Variants in KCNH1 observed in about 807,000 individuals in gnomAD.
The protein encoded by KCNH1 is potassium voltage-gated channel subfamily H member 1, also known as voltage-gated delayed rectifier potassium channel KCNH1.
Under a neutral mutation model 69.2 loss-of-function variants are expected in KCNH1, and 27 were observed. The ratio of observed to expected loss-of-function variants is 0.39; its 90% CI spans 0.29 to 0.54. The LOEUF (loss-of-function observed/expected upper bound fraction) is 0.54, where lower values mean the gene tolerates loss of function less well. KCNH1 is among the 20% of genes least tolerant of loss of function. The pLI, the probability that KCNH1 is intolerant of heterozygous loss-of-function variation, is 0.68. For synonymous variants in KCNH1, 456 were observed against 487.7 expected (o/e 0.93, Z 0.86); for missense variants, 798 against 1,261.6 (o/e 0.63, Z 5.57).
chr1:210,940,254 C>A (rs945252318), intron 6 of KCNH1, among the ~76,000 whole-genome samples: 1 of 152,194 alleles, frequency 6.6e-6, no homozygotes, highest in Admixed American at 6.5e-5. Flanking sequence ...ACCAGTGATA[C>A]AAAAGCCAGG....
intron 7 of KCNH1, among the ~76,000 whole-genome samples, chr1:210,849,557 G>C (rs1574294753): frequency 6.6e-6 from 1 of 151,790 alleles, no homozygotes; most frequent in Non-Finnish European, 1.5e-5. Flanking sequence ...CCAGAGACGG[G>C]GTTTCTCCAT....
At position 210,718,649 on chromosome 1, in the gene KCNH1, TATACAC is replaced by T. The variant is rs1349983552; in HGVS notation, c.2113-34517_2113-34512del. ...GTATAAATATATATATACATATATA[TATACAC>T]ACACACACACACACACACACACACA... On this transcript the variant is annotated intron_variant, in intron 10 of 10. Transcript: ENST00000271751. Among the ~76,000 whole-genome samples the T allele has an allele frequency of 1.1e-3, 81 of 72,326 alleles. 9 individuals are homozygous for T. The highest frequency in any genetic ancestry group is 4.6e-3 in the African/African-American group (51 of 11,034). The allele number at this position is 72,326 out of a possible 152,430, so 47.4% of individuals were successfully genotyped here. A position where few individuals can be genotyped will look rare whatever the true frequency, so the allele number is the denominator to read the frequency against.
chr1:210,889,554 G>C (rs1244007516), intron 7 of KCNH1, among the ~76,000 whole-genome samples: 1 of 152,182 alleles, frequency 6.6e-6, no homozygotes, highest in Non-Finnish European at 1.5e-5. Flanking sequence ...GTTTTTGCCA[G>C]GGCAATCAGG....
chr1:211,100,916 G>T (rs192007126), intron 3 of KCNH1, among the ~76,000 whole-genome samples: 1 of 152,332 alleles, frequency 6.6e-6, no homozygotes, highest in Admixed American at 6.5e-5. Context: ...TCACTGGTGA[G>T]TTCTTATGCA....
intron 6 of KCNH1, among the ~76,000 whole-genome samples, chr1:210,952,325 G>A (rs1397429590): frequency 6.6e-6 from 1 of 152,030 alleles, no homozygotes; most frequent in Non-Finnish European, 1.5e-5. Flanking sequence ...TCTCCCTGGT[G>A]CATAACTCCT....
At chr1:210,993,323 T>G (rs1327487474) in intron 6 of KCNH1, among the ~76,000 whole-genome samples, 1 of 152,222 alleles carries the variant, frequency 6.6e-6, no homozygotes, top group Non-Finnish European at 1.5e-5. Context: ...GGAATGATTC[T>G]TATGCACTTT....
In KCNH1 at chr1:210,754,047, T is replaced by A. The variant is rs1275237964; in HGVS notation, c.2112+21301A>T. 2.6e-5 allele frequency among the ~76,000 whole-genome samples: 4 copies of A among 152,048 alleles called. No individual in the cohort carries two copies. In the East Asian group the frequency reaches 7.7e-4, roughly 29 times the overall value. The stretch of plus-strand genomic sequence containing the variant: ...CTCCTGCCTCAGCCTCCCAAGTAGC[T>A]GGGACTACAGGCGCCCGCCACTGCG... On this transcript the variant is annotated intron_variant, in intron 10 of 10. Coordinates refer to ENST00000271751, the MANE Select transcript of KCNH1 (RefSeq NM_172362.3).
chr1:210,721,663 G>T (rs1682462186), intron 10 of KCNH1, among the ~76,000 whole-genome samples: 1 of 152,164 alleles, frequency 6.6e-6, no homozygotes, highest in Non-Finnish European at 1.5e-5. Context: ...GCCGTAGAAG[G>T]AGCGGGGAGG....
chr1:211,102,192 T>A (rs946283181), intron 3 of KCNH1, among the ~76,000 whole-genome samples: 4 of 152,166 alleles, frequency 2.6e-5, no homozygotes, highest in African/African-American at 9.7e-5. Context: ...TCAAACTCAC[T>A]CTGGGGCATA....
intron 10 of KCNH1, among the ~76,000 whole-genome samples, chr1:210,733,320 G>A (rs549059065): frequency 1.3e-5 from 2 of 152,170 alleles, no homozygotes; most frequent in Non-Finnish European, 2.9e-5. Context: ...TTGGGTAATG[G>A]TTGGAGTTTA....
intron 6 of KCNH1, among the ~76,000 whole-genome samples, chr1:210,990,390 C>T (rs1017268183): frequency 2.6e-5 from 4 of 152,162 alleles, no homozygotes; most frequent in African/African-American, 9.7e-5. Context: ...CTGGCCGTTA[C>T]TCATGTTACT....
chr1:210,858,814 G>C (rs1182854012), intron 7 of KCNH1: 1 of 206,708 alleles, frequency 4.8e-6, no homozygotes, highest in Admixed American at 5.2e-5. Flanking sequence ...TGTAGCCCAT[G>C]CCTATTTTTT....
chr1:210,907,248 A>G (rs1687120861), intron 7 of KCNH1, among the ~76,000 whole-genome samples: 1 of 152,202 alleles, frequency 6.6e-6, no homozygotes, highest in Non-Finnish European at 1.5e-5. Context: ...CCAAGTAGTC[A>G]GGGTACAATG....
At chr1:210,692,132 A>G (rs567162514) in intron 10 of KCNH1, among the ~76,000 whole-genome samples, 1 of 152,368 alleles carries the variant, frequency 6.6e-6, no homozygotes, top group South Asian at 2.1e-4. Flanking sequence ...GCGTTAATCA[A>G]GAATGACTTG....
chr1:210,818,673 C>G (rs1558482551), intron 7 of KCNH1, among the ~76,000 whole-genome samples: 2 of 152,114 alleles, frequency 1.3e-5, no homozygotes. Flanking sequence ...CTAGATATAG[C>G]TCAAAACATA....
intron 1 of KCNH1, among the ~76,000 whole-genome samples, chr1:211,117,140 T>C (rs890784678): frequency 6.6e-6 from 1 of 152,202 alleles, no homozygotes; most frequent in African/African-American, 2.4e-5. Context: ...TTTAGAACAC[T>C]GCTGATGCTG....
Position 210,683,578 on chromosome 1 carries a change from C to G in KCNH1, c.2673G>C (p.Leu891=). 1 of 1,614,170 alleles carries G rather than the reference C, an allele frequency of 6.2e-7. No individual in the cohort carries two copies. Among genetic ancestry groups the G allele is most frequent in the Non-Finnish European group, 8.5e-7 (1 of 1,180,036 alleles). ...DSGITKSDLR[L]DNVGEARSPQ... The stretch of plus-strand genomic sequence containing the variant: ...GACTCCTGGCCTCACCCACGTTGTC[C>G]AGGCGCAAGTCGCTCTTGGTGATGC... Residue 891 remains leucine (L), a synonymous_variant, in exon 11 of 11, where the codon CTG becomes CTC. Transcript: ENST00000271751. The surrounding 1 kb of genome is among the most constrained non-coding windows in gnomAD (Gnocchi z 5.7).
chr1:211,092,098 C>T (rs745794674), intron 3 of KCNH1, among the ~76,000 whole-genome samples: 4 of 152,198 alleles, frequency 2.6e-5, no homozygotes, highest in Non-Finnish European at 2.9e-5. Flanking sequence ...TATTTCCCCA[C>T]GCTAAGTAAT....
chr1:211,096,329 G>T (rs191215550), intron 3 of KCNH1, among the ~76,000 whole-genome samples: 31 of 152,162 alleles, frequency 2.0e-4, no homozygotes, highest in Non-Finnish European at 4.4e-5. Flanking sequence ...CTCCCAAAGT[G>T]CTGTGATTAC....
Sources: allele counts gnomAD v4.1 joint callset (sites outside exome capture counted in the v4.1 genomes callset), GRCh38; gene constraint gnomAD v4.1.1; non-coding constraint Gnocchi (gnomAD v3.1); transcripts MANE v1.5; gene names NCBI Gene and HGNC (gene_info 2026-07-23, HGNC 2026-07-21).